Variants in CHRDL1 observed in about 807,000 individuals in gnomAD.
CHRDL1 encodes the protein chordin-like protein 1.
In CHRDL1, 19 loss-of-function variants were observed where a neutral mutation model predicts 40.9. The ratio of observed to expected loss-of-function variants is 0.46; its 90% CI spans 0.32 to 0.68. CHRDL1 has a LOEUF of 0.68. Ranked by LOEUF, CHRDL1 falls within the 30% of genes least tolerant of loss-of-function variation. The probability of loss-of-function intolerance (pLI) is 0.03; values close to 1 mark genes in which losing one functional copy is unlikely to be tolerated. For missense variants in CHRDL1, 329 were observed against 352.1 expected (o/e 0.93, Z 0.53); for synonymous variants, 136 against 123.4 (o/e 1.10, Z -0.68).
At chrX:110,691,944 C>T (rs1424898323) in intron 8 of CHRDL1, among the ~76,000 whole-genome samples, 3 of 109,165 alleles carry the variant, frequency 2.7e-5, no homozygotes, top group Non-Finnish European at 5.7e-5. Flanking sequence ...TTTTTCTCCC[C>T]AAACAGTAAC....
chrX:110,697,617 A>G (rs746146619), intron 7 of CHRDL1, among the ~76,000 whole-genome samples: 7 of 110,337 alleles, frequency 6.3e-5, no homozygotes, highest in Middle Eastern at 4.6e-3. Flanking sequence ...TGACAGTACA[A>G]ATGAGACATG....
At chrX:110,758,272 G>C (rs143724897) in intron 4 of CHRDL1, among the ~76,000 whole-genome samples, 37 of 76,889 alleles carry the variant, frequency 4.8e-4, no homozygotes, top group African/African-American at 1.9e-3. Flanking sequence ...AACACATACA[G>C]AAACAGTAAG....
intron 7 of CHRDL1, among the ~76,000 whole-genome samples, chrX:110,696,247 A>G (rs1021540625): frequency 1.4e-4 from 16 of 111,542 alleles, no homozygotes; most frequent in African/African-American, 4.9e-4. Context: ...TGAACACAAA[A>G]TGAAAAGCCA....
rs73528299 is a variant in CHRDL1, at chrX:110,793,809, T to C, written c.-34-1594A>G. Among the ~76,000 whole-genome samples, 401 of 111,985 alleles carry C rather than the reference T, an allele frequency of 3.6e-3. 2 individuals are homozygous for C. The highest frequency in any genetic ancestry group is 0.012 in the African/African-American group (379 of 30,825). On this transcript the variant is annotated intron_variant, in intron 1 of 11. Coordinates refer to ENST00000372042, the MANE Select transcript of CHRDL1 (RefSeq NM_001143981.2). ...CAACAGGGCTGCTTTTCTTGTATAATGGTTGGGCGATTCGGTGAACTGTAG... is the reference window on the plus strand; with the variant it reads ...CAACAGGGCTGCTTTTCTTGTATAACGGTTGGGCGATTCGGTGAACTGTAG...
intron 4 of CHRDL1, among the ~76,000 whole-genome samples, chrX:110,741,311 T>C (rs2071356047): frequency 8.9e-6 from 1 of 111,783 alleles, no homozygotes; most frequent in Non-Finnish European, 1.9e-5. Context: ...GGGTATAGGA[T>C]CTGAACAAAG....
chrX:110,762,646 G>A (rs1452748196), intron 3 of CHRDL1, 49 bp downstream of exon 3: 4 of 725,925 alleles, frequency 5.5e-6, no homozygotes, highest in Admixed American at 2.6e-5. Flanking sequence ...AAAGCCTCTC[G>A]GCATGCTGAG....
At chrX:110,762,934 G>T (rs1161922774) in intron 2 of CHRDL1, 127 bp from the exon 3 acceptor site, 3 of 485,449 alleles carry the variant, frequency 6.2e-6, no homozygotes. Flanking sequence ...AGTATTTATA[G>T]AATTCCTATT....
At chrX:110,770,913 G>A (rs190074099) in intron 2 of CHRDL1, among the ~76,000 whole-genome samples, 16 of 111,639 alleles carry the variant, frequency 1.4e-4, no homozygotes, top group African/African-American at 4.6e-4. Context: ...TTGGGAGGCC[G>A]AAGTGGGTGG....
intron 4 of CHRDL1, among the ~76,000 whole-genome samples, chrX:110,733,216 A>G (rs192725266): frequency 9.0e-6 from 1 of 111,700 alleles, no homozygotes; most frequent in Admixed American, 9.4e-5. Context: ...GTGTCAGTCA[A>G]CTGCTTGTGA....
chrX:110,694,654 C>A (rs1173616019), intron 7 of CHRDL1, among the ~76,000 whole-genome samples: 3 of 112,301 alleles, frequency 2.7e-5, no homozygotes, highest in Non-Finnish European at 5.6e-5. Context: ...AAGACTCTCA[C>A]ATTTCAGTTT....
Position 110,747,814 on chromosome X carries a change from A to T in CHRDL1, c.301+11847T>A, listed in dbSNP as rs753614496. ...TAATCATTTCTTCACTTTCCATTGT[A>T]GTTTTATCACATTTATGCACATCCA... On this transcript the variant is annotated intron_variant, in intron 4 of 11. Coordinates refer to ENST00000372042, the MANE Select transcript of CHRDL1 (RefSeq NM_001143981.2). 8.9e-5 allele frequency among the ~76,000 whole-genome samples: 10 copies of T among 112,170 alleles called. 1 individual carries two copies. In the South Asian group the frequency reaches 3.8e-3, roughly 42 times the overall value.
At chrX:110,689,709 A>ATATATATATCTATATATATCTATATATC (rs2070172243) in intron 8 of CHRDL1, among the ~76,000 whole-genome samples, 1 of 30,299 alleles carries the variant, frequency 3.3e-5, no homozygotes, top group South Asian at 1.0e-3. Flanking sequence ...CTATATATCT[A>ATATATATATCTATATATATCTATATATC]TATATATATC....
intron 7 of CHRDL1, among the ~76,000 whole-genome samples, chrX:110,699,766 T>C (rs772993355): frequency 8.9e-6 from 1 of 112,631 alleles, no homozygotes; most frequent in Admixed American, 9.4e-5. Context: ...TGTACCGTAT[T>C]CTTTTAACAA....
chrX:110,781,522 T>C (rs999490223), intron 2 of CHRDL1, among the ~76,000 whole-genome samples: 3 of 111,762 alleles, frequency 2.7e-5, no homozygotes, highest in Admixed American at 1.9e-4. Context: ...GTTGACATAA[T>C]ATTTACCTAT....
intron 9 of CHRDL1, among the ~76,000 whole-genome samples, chrX:110,685,790 T>C (rs2069999469): frequency 9.0e-6 from 1 of 111,142 alleles, no homozygotes; most frequent in Non-Finnish European, 1.9e-5. Flanking sequence ...TTTTCAGTAT[T>C]GTAAACAGCA....
At position 110,689,680 on chromosome X, in the gene CHRDL1, T is replaced by TATCATCTATATATCTATATATC. The variant is rs2070164654; in HGVS notation, c.779-878_779-877insGATATATAGATATATAGATGAT. On this transcript the variant is annotated intron_variant, in intron 8 of 11. Coordinates refer to ENST00000372042, the MANE Select transcript of CHRDL1 (RefSeq NM_001143981.2). ...TCATCTATATATCTATATATCTATA[T>TATCATCTATATATCTATATATC]ATCTATATATCTATATATCTATATA... Among the ~76,000 whole-genome samples the TATCATCTATATATCTATATATC allele has an allele frequency of 1.0e-4, 4 of 39,710 alleles. 1 individual carries two copies. The highest frequency in any genetic ancestry group is 9.3e-4 in the South Asian group (1 of 1,074). The allele number at this position is 39,710 out of a possible 115,157, so 34.5% of individuals were successfully genotyped here.
At chrX:110,682,569 A>G (rs2036515693) in intron 9 of CHRDL1, among the ~76,000 whole-genome samples, 1 of 112,616 alleles carries the variant, frequency 8.9e-6, no homozygotes, top group South Asian at 3.7e-4. Context: ...TCAGAACAAC[A>G]GAAGCCATCT....
intron 4 of CHRDL1, among the ~76,000 whole-genome samples, chrX:110,731,395 A>T (rs1353530559): frequency 1.8e-5 from 2 of 111,693 alleles, no homozygotes; most frequent in Non-Finnish European, 3.8e-5. Context: ...GTAAAAAAAA[A>T]TAATAATAGT....
intron 11 of CHRDL1, among the ~76,000 whole-genome samples, chrX:110,678,516 G>A (rs2069827138): frequency 9.0e-6 from 1 of 110,631 alleles, no homozygotes; most frequent in Non-Finnish European, 1.9e-5. Flanking sequence ...TTCCTGGACT[G>A]ATTTCCTGAC....
Sources: gnomAD v4.1 joint callset for allele counts (sites outside exome capture counted in the v4.1 genomes callset) on GRCh38, gnomAD v4.1.1 for gene constraint, MANE v1.5 for transcripts, NCBI Gene and HGNC (gene_info 2026-07-23, HGNC 2026-07-21) for gene names.